YTHDC2: variants seen among roughly 807,000 people sequenced by gnomAD.
The protein encoded by YTHDC2 is 3'-5' RNA helicase YTHDC2.
A neutral mutation model predicts 174.9 loss-of-function variants in YTHDC2; 45 were observed. The observed-to-expected ratio is 0.26, with a 90% CI of 0.20 to 0.33. YTHDC2 has a LOEUF of 0.33. YTHDC2 is among the 10% of genes least tolerant of loss of function. YTHDC2 has a pLI of 1.00. For synonymous variants in YTHDC2, 657 were observed against 574.5 expected (o/e 1.14, Z -2.05); for missense variants, 1,650 against 1,723.7 (o/e 0.96, Z 0.76).
intron 16 of YTHDC2, among the ~76,000 whole-genome samples, chr5:113,554,955 CT>C (rs1776500601): frequency 6.6e-6 from 1 of 151,498 alleles, no homozygotes; most frequent in Non-Finnish European, 1.5e-5. Flanking sequence ...AAGTAATTGC[CT>C]TATGTTTTCA....
chr5:113,564,573 G>T (rs1187480659), intron 20 of YTHDC2, among the ~76,000 whole-genome samples: 1 of 152,068 alleles, frequency 6.6e-6, no homozygotes, highest in Non-Finnish European at 1.5e-5. Flanking sequence ...ACACTATGCT[G>T]AGAACTTAAT....
intron 1 of YTHDC2, among the ~76,000 whole-genome samples, 186 bp from the exon 2 acceptor site, chr5:113,515,086 G>A (rs563920628): frequency 6.6e-6 from 1 of 150,756 alleles, no homozygotes; most frequent in African/African-American, 2.4e-5. Context: ...AGTAGTTATT[G>A]AATTAATAAA....
At chr5:113,548,859 T>G (rs1328804823) in intron 11 of YTHDC2, 96 bp from the exon 12 acceptor site, 11 of 1,254,690 alleles carry the variant, frequency 8.8e-6, no homozygotes, top group Non-Finnish European at 1.1e-5. Flanking sequence ...ATTTAAAAAT[T>G]TTTTTGAAAA....
intron 22 of YTHDC2, 24 bp from the exon 23 acceptor site, chr5:113,567,630 T>A: frequency 6.5e-7 from 1 of 1,545,192 alleles, no homozygotes; most frequent in Non-Finnish European, 8.7e-7. Context: ...AATTAACAAT[T>A]TTTAAAATTT....
intron 18 of YTHDC2, among the ~76,000 whole-genome samples, chr5:113,561,560 C>A (rs1776976504): frequency 6.6e-6 from 1 of 151,462 alleles, no homozygotes; most frequent in African/African-American, 2.4e-5. Context: ...CCTCCACCTC[C>A]CGGGTTCAAG....
At chr5:113,566,072 A>G in intron 21 of YTHDC2, 53 bp downstream of exon 21, 1 of 1,492,954 alleles carries the variant, frequency 6.7e-7, no homozygotes. Context: ...TACCCTGCCC[A>G]TATTTCATAG....
intron 21 of YTHDC2, 129 bp from the exon 22 acceptor site, chr5:113,566,963 G>A (rs1034023241): frequency 1.3e-5 from 14 of 1,041,558 alleles, no homozygotes; most frequent in Non-Finnish European, 1.6e-5. Flanking sequence ...CTTTCCAGAG[G>A]AGATTCTATT....
At chr5:113,580,307 A>G (rs1778318490) in intron 24 of YTHDC2, among the ~76,000 whole-genome samples, 3 of 152,232 alleles carry the variant, frequency 2.0e-5, no homozygotes, top group South Asian at 4.1e-4. Flanking sequence ...ATATATAAGA[A>G]AGTATTGAGT....
At chr5:113,553,151 CTT>C in intron 12 of YTHDC2, 28 bp from the exon 13 acceptor site, 1 of 1,356,236 alleles carries the variant, frequency 7.4e-7, no homozygotes, top group Non-Finnish European at 9.5e-7. Flanking sequence ...TGGAAATTGA[CTT>C]TGTCTTTTTT....
At chr5:113,554,051 T>G in intron 16 of YTHDC2, 29 bp downstream of exon 16, 1 of 1,462,284 alleles carries the variant, frequency 6.8e-7, no homozygotes, top group East Asian at 2.4e-5. Flanking sequence ...TAGTTTTACT[T>G]AAATGAAGAA....
chr5:113,544,775 G>A (rs532466486), intron 10 of YTHDC2, among the ~76,000 whole-genome samples: 21 of 151,498 alleles, frequency 1.4e-4, no homozygotes, highest in African/African-American at 5.1e-4. Flanking sequence ...TCCTTCCCTG[G>A]TCTGCCTTCT....
intron 26 of YTHDC2, among the ~76,000 whole-genome samples, chr5:113,585,968 C>A (rs1195960780): frequency 6.6e-6 from 1 of 151,936 alleles, no homozygotes; most frequent in Non-Finnish European, 1.5e-5. Context: ...CTGGTACTAA[C>A]ATTCAAGTAA....
chr5:113,529,469 T>C (rs1161390672), intron 4 of YTHDC2, among the ~76,000 whole-genome samples: 1 of 152,190 alleles, frequency 6.6e-6, no homozygotes, highest in African/African-American at 2.4e-5. Flanking sequence ...TATTGTTCCA[T>C]CACTCTAAAA....
rs769514903 is a variant in YTHDC2 at position 113,532,872 on chromosome 5, G to A, written c.676-7G>A. ...TCATCTTACAGTTTTTAAAACTTTT[G>A]TTTCAGATTCCTCAGTTCCTTTTAG... On this transcript the variant is annotated splice_region_variant and splice_polypyrimidine_tract_variant and intron_variant, in intron 4 of 29. Transcript: ENST00000161863. 1 of 1,596,282 alleles carries A rather than the reference G, an allele frequency of 6.3e-7. No homozygotes were observed. The highest frequency in any genetic ancestry group is 1.7e-5 in the Admixed American group (1 of 57,770).
At chr5:113,553,481 TATG>T (rs1231266525) in intron 13 of YTHDC2, 106 bp from the exon 14 acceptor site, 1 of 1,431,606 alleles carries the variant, frequency 7.0e-7, no homozygotes, top group Non-Finnish European at 9.5e-7. Flanking sequence ...CCTGTCATCT[TATG>T]ATAGTTTACC....
chr5:113,515,472 T>G, intron 2 of YTHDC2, 110 bp downstream of exon 2: 1 of 874,698 alleles, frequency 1.1e-6, no homozygotes, highest in East Asian at 2.6e-5. Context: ...CTTCACATTC[T>G]TAATTGTATC....
At chr5:113,586,964 ATATT>A (rs1778721940) in intron 26 of YTHDC2, among the ~76,000 whole-genome samples, 1 of 57,740 alleles carries the variant, frequency 1.7e-5, no homozygotes, top group Non-Finnish European at 2.9e-5. Context: ...ATATAAATAT[ATATT>A]ATGTATTCAT....
In YTHDC2 at chr5:113,535,663, C is replaced by A; in HGVS notation, c.967C>A (p.Arg323=). The part of the protein sequence containing the change: ...VIVDEVHERD[R]FSDFLLTKLR... ...ATAGGATGAAGTGCATGAAAGGGAT[C>A]GATTTAGTGATTTTTTACTTACAAA... Residue 323 remains arginine, a synonymous_variant, in exon 7 of 30, where the codon CGA becomes AGA. Coordinates refer to ENST00000161863, the MANE Select transcript of YTHDC2 (RefSeq NM_022828.5). 6.2e-6 allele frequency: 10 copies of A among 1,612,616 alleles called. No individual in the cohort carries two copies. The highest frequency in any genetic ancestry group is 6.8e-6 in the Non-Finnish European group (8 of 1,179,448).
chr5:113,559,883 T>A (rs1399548173), intron 17 of YTHDC2, among the ~76,000 whole-genome samples: 2 of 152,156 alleles, frequency 1.3e-5, no homozygotes, highest in Non-Finnish European at 2.9e-5. Flanking sequence ...AGTGGTCCAG[T>A]CAAAGCAAAA....
Sources: allele counts gnomAD v4.1 joint callset (sites outside exome capture counted in the v4.1 genomes callset), GRCh38; gene constraint gnomAD v4.1.1; transcripts MANE v1.5; gene names NCBI Gene and HGNC (gene_info 2026-07-23, HGNC 2026-07-21).